Variants in DYSF observed in about 807,000 individuals in gnomAD.
DYSF encodes dystrophy-associated fer-1-like 1.
Under a neutral mutation model 274.9 loss-of-function variants are expected in DYSF, and 212 were observed. The ratio of observed to expected loss-of-function variants is 0.77; its 90% CI spans 0.69 to 0.86. The LOEUF (loss-of-function observed/expected upper bound fraction) is 0.86, where lower values mean the gene tolerates loss of function less well. Ranked by LOEUF, DYSF falls within the 40% of genes least tolerant of loss-of-function variation. The pLI is 0.00. For synonymous variants in DYSF, 1,091 were observed against 1,078.7 expected, an observed-to-expected ratio of 1.01 and a Z score of -0.22; for missense variants, 2,666 against 2,783.2, an observed-to-expected ratio of 0.96 and a Z score of 0.95.
chr2:71,630,777 G>A (rs2094299653), intron 41 of DYSF, among the ~76,000 whole-genome samples: 2 of 152,344 alleles, frequency 1.3e-5, no homozygotes, highest in Middle Eastern at 3.4e-3. Context: ...TAGTCCCTAA[G>A]CCTAGGTCTG....
At chr2:71,495,508 C>A (rs865823749) in intron 3 of DYSF, among the ~76,000 whole-genome samples, 2 of 152,150 alleles carry the variant, frequency 1.3e-5, no homozygotes, top group African/African-American at 4.8e-5. Flanking sequence ...GTGTGACATC[C>A]TAGGGTCAAC....
intron 1 of DYSF, among the ~76,000 whole-genome samples, chr2:71,459,960 C>T (rs866344113): frequency 2.8e-4 from 42 of 152,188 alleles, no homozygotes; most frequent in African/African-American, 1.0e-3. Flanking sequence ...CAGGCTATGG[C>T]TCCTAAGCTG....
At chr2:71,522,488 T>C (rs756634352) in intron 12 of DYSF, among the ~76,000 whole-genome samples, 1 of 152,142 alleles carries the variant, frequency 6.6e-6, no homozygotes, top group African/African-American at 2.4e-5. Flanking sequence ...ATGACTCTCC[T>C]TGCTCCTTTT....
chr2:71,665,430 C>T (rs2094980192), intron 47 of DYSF, 126 bp downstream of exon 47: 1 of 1,244,624 alleles, frequency 8.0e-7, no homozygotes, highest in Non-Finnish European at 1.2e-6. Flanking sequence ...GTGGGTCTCT[C>T]CAGGGCAGCA....
chr2:71,592,873 T>C (rs1242747245), intron 32 of DYSF, among the ~76,000 whole-genome samples: 1 of 152,172 alleles, frequency 6.6e-6, no homozygotes, highest in Non-Finnish European at 1.5e-5. Context: ...TTTGAGGAGA[T>C]AGGCAGGGGT....
At chr2:71,632,964 G>A (rs137990505) in intron 41 of DYSF, among the ~76,000 whole-genome samples, 1,810 of 152,278 alleles carry the variant, frequency 0.012, 30 homozygotes, top group African/African-American at 0.041. Context: ...GCCTTTGGAA[G>A]CAATTCAGCA....
At chr2:71,579,031 G>T (rs190283971) in intron 30 of DYSF, among the ~76,000 whole-genome samples, 1 of 152,248 alleles carries the variant, frequency 6.6e-6, no homozygotes, top group East Asian at 1.9e-4. Flanking sequence ...CGTTCCCAGG[G>T]AGCTGGGAAG....
At chr2:71,458,742 T>C (rs2081168648) in intron 1 of DYSF, among the ~76,000 whole-genome samples, 1 of 152,196 alleles carries the variant, frequency 6.6e-6, no homozygotes, top group Non-Finnish European at 1.5e-5. Flanking sequence ...ACATCTACTG[T>C]GGATGTGCTG....
At chr2:71,466,592 C>T (rs565881495), upstream of DYSF, 320 of 1,201,632 alleles carry the variant, frequency 2.7e-4, 1 homozygote, top group African/African-American at 4.7e-3. Context: ...GACCCCTGTC[C>T]CTCCCCGCCC....
intron 50 of DYSF, 123 bp from the exon 51 acceptor site, chr2:71,669,482 C>A: frequency 7.8e-7 from 1 of 1,274,184 alleles, no homozygotes; most frequent in Non-Finnish European, 1.1e-6. Context: ...TGCCGATTTC[C>A]TGGGAATTCT....
chr2:71,492,235 AAGGCTGCCAG>A (rs2083916374), intron 3 of DYSF, among the ~76,000 whole-genome samples: 1 of 152,192 alleles, frequency 6.6e-6, no homozygotes, highest in African/African-American at 2.4e-5. Flanking sequence ...TACTGGCCGG[AAGGCTGCCAG>A]AGGCCAGGGG....
At chr2:71,516,911 G>C in intron 9 of DYSF, 78 bp from the exon 10 acceptor site, 3 of 1,295,808 alleles carry the variant, frequency 2.3e-6, no homozygotes, top group Non-Finnish European at 3.4e-6. Context: ...TTATTGTTTG[G>C]GAGGGAAGAG....
Position 71,561,790 on chromosome 2 carries a change from C to T in DYSF, c.2255C>T (p.Thr752Ile), listed in dbSNP as rs2091788694. Reference protein sequence around the residue: ...LGDIHETPSATHLDQYLYQLR... With the variant: ...LGDIHETPSAIHLDQYLYQLR... Reference sequence around the variant, plus strand: ...GACATCCATGAGACACCCTCTGCCACCCACCTGGACCAGTACCTGTACCAG... The same window carrying T: ...GACATCCATGAGACACCCTCTGCCATCCACCTGGACCAGTACCTGTACCAG... The change falls in exon 23 of 56, where the codon ACC (threonine) becomes ATC (isoleucine). Residue 752 changes from threonine to isoleucine, a missense_variant. Coordinates refer to ENST00000410020, the MANE Select transcript of DYSF (RefSeq NM_001130987.2). 6.2e-7 allele frequency: 1 copy of T among 1,614,074 alleles called. No individual in the cohort carries two copies. Among genetic ancestry groups the T allele is most frequent in the South Asian group, 1.1e-5 (1 of 91,094 alleles).
Position 71,598,755 on chromosome 2 carries a change from C to T in DYSF, c.3756+10C>T. ...CGACCATGACACTTATGTGAGTCTGCCCAGCTCCTGCCTCGTCCCCTCACA... is the reference window on the plus strand; with the variant it reads ...CGACCATGACACTTATGTGAGTCTGTCCAGCTCCTGCCTCGTCCCCTCACA... On this transcript the variant is annotated intron_variant, in intron 33 of 55. Transcript: ENST00000410020. 1 of 1,610,368 alleles carries T rather than the reference C, an allele frequency of 6.2e-7. No homozygotes were observed.
intron 38 of DYSF, among the ~76,000 whole-genome samples, chr2:71,612,135 G>A (rs1558617611): frequency 6.6e-6 from 1 of 152,234 alleles, no homozygotes. Context: ...TGAAAGCGCT[G>A]TAGAAATTCC....
At chr2:71,670,626 G>A (rs935943929) in intron 51 of DYSF, among the ~76,000 whole-genome samples, 2 of 152,198 alleles carry the variant, frequency 1.3e-5, no homozygotes, top group African/African-American at 4.8e-5. Flanking sequence ...GGCTGGATTT[G>A]GGGACCTCGG....
intron 29 of DYSF, among the ~76,000 whole-genome samples, chr2:71,573,288 A>G (rs2092585968): frequency 6.6e-6 from 1 of 152,220 alleles, no homozygotes; most frequent in African/African-American, 2.4e-5. Context: ...GGCACCCAGC[A>G]GACAGAGGCA....
chr2:71,663,413 G>C (rs1020402175), intron 45 of DYSF, among the ~76,000 whole-genome samples: 1 of 152,198 alleles, frequency 6.6e-6, no homozygotes, highest in Non-Finnish European at 1.5e-5. Context: ...GGGTCTCACA[G>C]GGCAGGATTC....
intron 54 of DYSF, 92 bp from the exon 55 acceptor site, chr2:71,682,438 G>T: frequency 6.5e-7 from 1 of 1,534,290 alleles, no homozygotes; most frequent in Non-Finnish European, 9.0e-7. Flanking sequence ...ACTGTGGAGG[G>T]CCAGGCCATT....
Sources: allele counts gnomAD v4.1 joint callset (sites outside exome capture counted in the v4.1 genomes callset), GRCh38; gene constraint gnomAD v4.1.1; transcripts MANE v1.5; gene names NCBI Gene and HGNC (gene_info 2026-07-23, HGNC 2026-07-21).